The following FAM171B variants were observed in gnomAD, a reference collection of about 807,000 sequenced individuals.
FAM171B encodes family with sequence similarity 171 member B, also known as protein FAM171B.
A neutral mutation model predicts 75.6 loss-of-function variants in FAM171B; 19 were observed. The ratio of observed to expected loss-of-function variants is 0.25; its 90% CI spans 0.18 to 0.37. The LOEUF is 0.37. FAM171B is among the 10% of genes least tolerant of loss of function. The pLI is 1.00. For missense variants in FAM171B, 848 were observed against 982.4 expected, an observed-to-expected ratio of 0.86 and a Z score of 1.83; for synonymous variants, 367 against 361.7, an observed-to-expected ratio of 1.01 and a Z score of -0.17.
intron 1 of FAM171B, 23 bp downstream of exon 1, chr2:186,694,434 G>T (rs1031250549): frequency 6.3e-7 from 1 of 1,597,080 alleles, no homozygotes; most frequent in Non-Finnish European, 8.5e-7. Flanking sequence ...TGCCCAGCCC[G>T]GTCTTTCAGT....
intron 6 of FAM171B, among the ~76,000 whole-genome samples, chr2:186,759,472 G>A (rs561730236): frequency 3.3e-4 from 50 of 152,074 alleles, no homozygotes; most frequent in Non-Finnish European, 5.2e-4. Flanking sequence ...AGTGTATGAG[G>A]GTTCCCTTTT....
chr2:186,751,038 G>A, intron 4 of FAM171B, 96 bp from the exon 5 acceptor site: 1 of 882,946 alleles, frequency 1.1e-6, no homozygotes, highest in Admixed American at 2.4e-5. Context: ...GATAACCCTT[G>A]GTGAAATAGA....
chr2:186,695,581 A>C (rs11678190), intron 1 of FAM171B, among the ~76,000 whole-genome samples: 40,702 of 152,122 alleles, frequency 0.27, 5,605 homozygotes, highest in South Asian at 0.38. Context: ...CAGGCATGCC[A>C]GCTGCGATTC....
At chr2:186,716,658 G>T (rs187051616) in intron 1 of FAM171B, among the ~76,000 whole-genome samples, 1 of 152,178 alleles carries the variant, frequency 6.6e-6, no homozygotes, top group African/African-American at 2.4e-5. Context: ...TAGGTATGTC[G>T]TTTTAGAGGC....
chr2:186,750,295 C>T (rs1308037598), intron 4 of FAM171B, among the ~76,000 whole-genome samples: 1 of 152,054 alleles, frequency 6.6e-6, no homozygotes, highest in Non-Finnish European at 1.5e-5. Flanking sequence ...CTTTCTGCTC[C>T]CTCTCTCCGC....
rs189308011 is a variant in FAM171B, at chr2:186,732,360, A to T, written c.239-7868A>T. 7.9e-5 allele frequency among the ~76,000 whole-genome samples: 12 copies of T among 152,318 alleles called. No individual in the cohort carries two copies. The East Asian group carries it at 2.3e-3, about 29-fold the overall frequency. ...GAGTTAATTTAGTAGTGTCACCCCA[A>T]GCCCCACTGTTCCATAGTTCCAAGA... On this transcript the variant is annotated intron_variant, in intron 1 of 7. Coordinates refer to ENST00000304698, the MANE Select transcript of FAM171B (RefSeq NM_177454.4).
Position 186,707,966 on chromosome 2 carries a change from T to C in FAM171B, c.238+13555T>C, listed in dbSNP as rs375094930. 7.9e-4 allele frequency among the ~76,000 whole-genome samples: 121 copies of C among 152,244 alleles called. 1 individual carries two copies. The South Asian group carries it at 9.3e-3, about 12-fold the overall frequency. The stretch of plus-strand genomic sequence containing the variant: ...AATTGGTGGCTAGGCATCTGTTCCA[T>C]ATTTCCATATTTATCTTTTCCTTTA... On this transcript the variant is annotated intron_variant, in intron 1 of 7. Transcript: ENST00000304698.
At chr2:186,734,315 C>T (rs987625131) in intron 1 of FAM171B, among the ~76,000 whole-genome samples, 32 of 151,654 alleles carry the variant, frequency 2.1e-4, no homozygotes, top group Admixed American at 5.9e-4. Context: ...AGACCCAGAG[C>T]GGGTAGGTAG....
intron 1 of FAM171B, among the ~76,000 whole-genome samples, chr2:186,731,835 G>C (rs1204489013): frequency 1.3e-5 from 2 of 152,062 alleles, no homozygotes; most frequent in African/African-American, 2.4e-5. Context: ...TCTCATAGGA[G>C]CATGAACCCT....
At chr2:186,743,405 C>A in intron 2 of FAM171B, 78 bp from the exon 3 acceptor site, 1 of 919,678 alleles carries the variant, frequency 1.1e-6, no homozygotes, top group Non-Finnish European at 1.7e-6. Flanking sequence ...TTGAGACTTG[C>A]TGTTACAGAA....
At chr2:186,747,304 T>C in intron 4 of FAM171B, 54 bp downstream of exon 4, 1 of 1,244,426 alleles carries the variant, frequency 8.0e-7, no homozygotes, top group Non-Finnish European at 1.1e-6. Flanking sequence ...TACACAAATC[T>C]TTCATCAAAT....
chr2:186,694,628 G>A (rs1037674080), intron 1 of FAM171B, among the ~76,000 whole-genome samples: 1 of 152,130 alleles, frequency 6.6e-6, no homozygotes, highest in Non-Finnish European at 1.5e-5. Flanking sequence ...GAGCAGCTCA[G>A]AGCACTGCGG....
intron 1 of FAM171B, among the ~76,000 whole-genome samples, chr2:186,694,748 AACACAC>A (rs57171143): frequency 0.063 from 8,344 of 133,282 alleles, 273 homozygotes; most frequent in Middle Eastern, 0.1. Context: ...GAATGACTGT[AACACAC>A]ACACACACAC....
At chr2:186,723,095 T>C (rs1689979753) in intron 1 of FAM171B, among the ~76,000 whole-genome samples, 1 of 152,212 alleles carries the variant, frequency 6.6e-6, no homozygotes, top group Admixed American at 6.5e-5. Flanking sequence ...CTTAGGGGCA[T>C]TGAGTCATTA....
At chr2:186,760,626 A>G (rs1455701395) in intron 6 of FAM171B, among the ~76,000 whole-genome samples, 1 of 151,598 alleles carries the variant, frequency 6.6e-6, no homozygotes, top group Non-Finnish European at 1.5e-5. Context: ...TAAGCTTTCT[A>G]TAGCAGCATC....
intron 2 of FAM171B, among the ~76,000 whole-genome samples, chr2:186,742,741 T>C (rs1687913181): frequency 1.3e-5 from 2 of 152,168 alleles, no homozygotes; most frequent in Admixed American, 1.3e-4. Context: ...GATTGAGAAC[T>C]CCTCAAAACT....
At chr2:186,714,241 T>C (rs1412815541) in intron 1 of FAM171B, among the ~76,000 whole-genome samples, 1 of 152,124 alleles carries the variant, frequency 6.6e-6, no homozygotes, top group Non-Finnish European at 1.5e-5. Context: ...GCGGATTGAT[T>C]AATATATTGA....
At chr2:186,747,878 C>A (rs1016542103) in intron 4 of FAM171B, among the ~76,000 whole-genome samples, 1 of 152,022 alleles carries the variant, frequency 6.6e-6, no homozygotes, top group Non-Finnish European at 1.5e-5. Context: ...CATAAATAAA[C>A]CCTTTACAAA....
chr2:186,694,515 T>C, intron 1 of FAM171B, 104 bp downstream of exon 1: 1 of 1,415,054 alleles, frequency 7.1e-7, no homozygotes, highest in Admixed American at 2.5e-5. Flanking sequence ...TCCTCGTTCG[T>C]TCCTGTCACC....
Sources: gnomAD v4.1 joint callset for allele counts (sites outside exome capture counted in the v4.1 genomes callset) on GRCh38, gnomAD v4.1.1 for gene constraint, MANE v1.5 for transcripts, NCBI Gene and HGNC (gene_info 2026-07-23, HGNC 2026-07-21) for gene names.